Variants in ZC4H2 observed in about 807,000 individuals in gnomAD.
The protein encoded by ZC4H2 is zinc finger C4H2-type containing.
For missense variants in ZC4H2, 137 were observed against 173.9 expected, an observed-to-expected ratio of 0.79 and a Z score of 1.19; for synonymous variants, 84 against 66.3, an observed-to-expected ratio of 1.27 and a Z score of -1.30.
intron 1 of ZC4H2, 109 bp from the exon 2 acceptor site, chrX:64,922,097 C>A (rs192883161): frequency 2.7e-6 from 3 of 1,112,855 alleles, no homozygotes; most frequent in Non-Finnish European, 3.5e-6. Flanking sequence ...CCTCTCCAGG[C>A]AGAGCCAACC....
chrX:64,979,823 ATCTTAGTTTTATCAGGGCCAACATTAT>A (rs1378318272), upstream of ZC4H2, among the ~76,000 whole-genome samples: 1 of 111,492 alleles, frequency 9.0e-6, no homozygotes, highest in Non-Finnish European at 1.9e-5. Context: ...ATAAAAAAAA[ATCTTAGTTTTATCAGGGCCAACATTAT>A]TCTTATTGCT....
chrX:64,952,865 T>A (rs1198269979), intron 1 of ZC4H2, among the ~76,000 whole-genome samples: 2 of 110,873 alleles, frequency 1.8e-5, no homozygotes, highest in African/African-American at 6.6e-5. Context: ...CATTGCCAAG[T>A]CAACCCTAAG....
intron 1 of ZC4H2, among the ~76,000 whole-genome samples, chrX:65,001,112 G>A (rs772275592): frequency 9.0e-6 from 1 of 110,539 alleles, no homozygotes; most frequent in Non-Finnish European, 1.9e-5. Context: ...CTTAAGAAGA[G>A]TAACCAGAAG....
At chrX:64,926,186 C>T (rs1661693560) in intron 1 of ZC4H2, among the ~76,000 whole-genome samples, 1 of 111,235 alleles carries the variant, frequency 9.0e-6, no homozygotes, top group African/African-American at 3.3e-5. Flanking sequence ...TAACAACAGT[C>T]TACCCTGGGG....
intron 1 of ZC4H2, among the ~76,000 whole-genome samples, chrX:64,987,485 C>A (rs1220849179): frequency 2.1e-5 from 2 of 96,294 alleles, no homozygotes; most frequent in Admixed American, 1.1e-4. Flanking sequence ...TTTTTTCCCA[C>A]AAAGATGAAA....
At chrX:64,942,299 T>C (rs1930325192) in intron 1 of ZC4H2, among the ~76,000 whole-genome samples, 1 of 111,351 alleles carries the variant, frequency 9.0e-6, no homozygotes, top group African/African-American at 3.3e-5. Flanking sequence ...TTTATTAGTC[T>C]GGCTAGCCGT....
chrX:65,019,706 G>A (rs1167013776), intron 1 of ZC4H2, among the ~76,000 whole-genome samples: 1 of 112,233 alleles, frequency 8.9e-6, no homozygotes, highest in East Asian at 2.8e-4. Context: ...GACAGAAGCA[G>A]GCTTCAGAGG....
At chrX:64,988,843 T>A (rs1932248146) in intron 1 of ZC4H2, among the ~76,000 whole-genome samples, 1 of 111,683 alleles carries the variant, frequency 9.0e-6, no homozygotes, top group Admixed American at 9.5e-5. Flanking sequence ...TTCTAGGGTT[T>A]TTATGGTTTT....
intron 1 of ZC4H2, among the ~76,000 whole-genome samples, chrX:64,935,746 A>C (rs1221427549): frequency 8.9e-6 from 1 of 112,060 alleles, no homozygotes; most frequent in Non-Finnish European, 1.9e-5. Flanking sequence ...GACTGTTAGA[A>C]GGAAAACTAA....
intron 1 of ZC4H2, among the ~76,000 whole-genome samples, chrX:65,020,054 C>T (rs761882523): frequency 2.2e-4 from 25 of 111,882 alleles, no homozygotes; most frequent in Admixed American, 4.7e-4. Context: ...ACCAAATCTA[C>T]GTCTGATTGG....
At chrX:65,004,206 AG>A (rs1002585627) in intron 1 of ZC4H2, among the ~76,000 whole-genome samples, 1 of 112,049 alleles carries the variant, frequency 8.9e-6, no homozygotes, top group Non-Finnish European at 1.9e-5. Context: ...GTAGAAATAG[AG>A]GGACTCCTCC....
chrX:64,980,295 A>G (rs1932057203), upstream of ZC4H2, among the ~76,000 whole-genome samples: 1 of 111,845 alleles, frequency 8.9e-6, no homozygotes, highest in Non-Finnish European at 1.9e-5. Context: ...GAGAGAGACC[A>G]GCTATTACAA....
intron 1 of ZC4H2, among the ~76,000 whole-genome samples, chrX:64,949,031 C>G (rs1413849425): frequency 9.0e-6 from 1 of 111,556 alleles, no homozygotes; most frequent in Non-Finnish European, 1.9e-5. Flanking sequence ...TCTTAGAGCA[C>G]TAATCTGCTC....
At chrX:64,988,008 G>A (rs1197847377) in intron 1 of ZC4H2, among the ~76,000 whole-genome samples, 1 of 106,301 alleles carries the variant, frequency 9.4e-6, no homozygotes, top group African/African-American at 3.5e-5. Context: ...CCTTGCGGTA[G>A]TTTGCTCAGA....
intron 1 of ZC4H2, among the ~76,000 whole-genome samples, chrX:64,956,366 G>C (rs1035859488): frequency 2.7e-5 from 3 of 111,244 alleles, no homozygotes; most frequent in Non-Finnish European, 5.7e-5. Flanking sequence ...CCTCCCAATA[G>C]TCATAATAGT....
Position 64,916,103 on chromosome X carries a change from C to A in ZC4H2, c.*1680G>T, listed in dbSNP as rs766518170. 6.2e-5 allele frequency: 7 copies of A among 112,074 alleles called. No individual in the cohort carries two copies. Among genetic ancestry groups the A allele is most frequent in the Non-Finnish European group, 1.1e-4 (6 of 53,210 alleles). 9.2% of individuals were successfully genotyped at this position (112,074 alleles called of 1,213,427 possible). A position where few individuals can be genotyped will look rare whatever the true frequency, so the allele number is the denominator to read the frequency against. On this transcript the variant is annotated 3_prime_UTR_variant, in exon 5 of 5. Coordinates refer to ENST00000374839, the MANE Select transcript of ZC4H2 (RefSeq NM_018684.4). ...AGCTGGCTCCAAATCCTGCAATTTC[C>A]TCTTACTAGCTGTTTAACTCTGAAA...
chrX:64,928,641 T>TCTC (rs1929550672), intron 1 of ZC4H2, among the ~76,000 whole-genome samples: 1 of 79,547 alleles, frequency 1.3e-5, no homozygotes, highest in Non-Finnish European at 2.7e-5. Flanking sequence ...TCCTTCTTCT[T>TCTC]CTTCTTCTTC....
intron 1 of ZC4H2, among the ~76,000 whole-genome samples, chrX:64,948,071 G>A (rs1339797902): frequency 9.0e-6 from 1 of 111,333 alleles, no homozygotes. Context: ...AACAAGCAAG[G>A]TAACTGCAAG....
chrX:65,002,464 C>T (rs1295480778), intron 1 of ZC4H2, among the ~76,000 whole-genome samples: 2 of 109,924 alleles, frequency 1.8e-5, no homozygotes, highest in Non-Finnish European at 1.9e-5. Context: ...GCCCAGCTGC[C>T]GCCCCATCCG....
Sources: gnomAD v4.1 joint callset for allele counts (sites outside exome capture counted in the v4.1 genomes callset) on GRCh38, gnomAD v4.1.1 for gene constraint, MANE v1.5 for transcripts, NCBI Gene and HGNC (gene_info 2026-07-23, HGNC 2026-07-21) for gene names.